The following NAALADL2 variants were observed in gnomAD, a reference collection of about 807,000 sequenced individuals.
The protein encoded by NAALADL2 is N-acetylated alpha-linked acidic dipeptidase like 2, also known as inactive N-acetylated-alpha-linked acidic dipeptidase-like protein 2.
Under a neutral mutation model 87.2 loss-of-function variants are expected in NAALADL2, and 76 were observed. That is an observed-to-expected ratio of 0.87 (90% CI 0.72 to 1.05). NAALADL2 has a LOEUF of 1.05. NAALADL2 is among the 50% of genes least tolerant of loss of function. The pLI is 0.00. For synonymous variants in NAALADL2, 354 were observed against 331.0 expected (o/e 1.07, Z -0.75); for missense variants, 1,089 against 945.8 (o/e 1.15, Z -1.99).
At chr3:175,043,615 A>G (rs1251722845) in intron 1 of NAALADL2, among the ~76,000 whole-genome samples, 1 of 152,084 alleles carries the variant, frequency 6.6e-6, no homozygotes, top group Non-Finnish European at 1.5e-5. Context: ...TGTTTTCTCA[A>G]CACCATTTAT....
At chr3:174,725,107 T>C (rs1732065026) in intron 2 of NAALADL2, among the ~76,000 whole-genome samples, 1 of 152,194 alleles carries the variant, frequency 6.6e-6, no homozygotes. Flanking sequence ...GGAACATGTA[T>C]TGGATTAACT....
Position 175,326,820 on chromosome 3 carries a change from A to T in NAALADL2, c.1090+2495A>T, listed in dbSNP as rs1199567176. ...ATAACAGCATTAATCCATGTGTGAG[A>T]ATACTTCATGATCCAATCGCCTCTT... On this transcript the variant is annotated intron_variant, in intron 5 of 13. Coordinates refer to ENST00000454872, the MANE Select transcript of NAALADL2 (RefSeq NM_207015.3). 2.6e-5 allele frequency among the ~76,000 whole-genome samples: 4 copies of T among 152,286 alleles called. No homozygotes were observed. In the East Asian group the frequency reaches 7.7e-4, roughly 29 times the overall value.
At chr3:175,490,872 A>G (rs546347542) in intron 9 of NAALADL2, among the ~76,000 whole-genome samples, 69 of 152,266 alleles carry the variant, frequency 4.5e-4, no homozygotes, top group African/African-American at 1.5e-3. Flanking sequence ...AGCTGGGTTA[A>G]TTATTACCTT....
chr3:174,465,002 C>T (rs1352191587), intron 1 of NAALADL2, among the ~76,000 whole-genome samples: 3 of 151,962 alleles, frequency 2.0e-5, no homozygotes, highest in Non-Finnish European at 4.4e-5. Flanking sequence ...GGCCTAAAAA[C>T]TTTGGTATCT....
At chr3:174,817,095 T>G (rs1255976404) in intron 3 of NAALADL2, among the ~76,000 whole-genome samples, 1 of 152,188 alleles carries the variant, frequency 6.6e-6, no homozygotes, top group Non-Finnish European at 1.5e-5. Flanking sequence ...TTGGTGGAAG[T>G]GTGTGAGTGT....
chr3:174,851,073 G>C (rs1047803110), intron 3 of NAALADL2, among the ~76,000 whole-genome samples: 1 of 151,940 alleles, frequency 6.6e-6, no homozygotes, highest in Non-Finnish European at 1.5e-5. Context: ...AATGAAAATG[G>C]ACACGCAACA....
intron 5 of NAALADL2, among the ~76,000 whole-genome samples, chr3:175,368,126 G>T (rs1765898684): frequency 6.6e-6 from 1 of 152,234 alleles, no homozygotes; most frequent in Admixed American, 6.5e-5. Flanking sequence ...TGTGGTTTTT[G>T]TCTTTGGTTC....
intron 2 of NAALADL2, among the ~76,000 whole-genome samples, chr3:175,116,519 C>T (rs900753257): frequency 6.6e-6 from 1 of 151,980 alleles, no homozygotes; most frequent in Non-Finnish European, 1.5e-5. Flanking sequence ...AGGAATCCAA[C>T]TTACAAGGGA....
intron 2 of NAALADL2, among the ~76,000 whole-genome samples, chr3:175,186,040 C>G (rs1356051599): frequency 6.6e-6 from 1 of 151,990 alleles, no homozygotes; most frequent in Non-Finnish European, 1.5e-5. Context: ...CTTTGTATTT[C>G]TTCCAACCTA....
chr3:175,280,569 C>T (rs1754159667), intron 4 of NAALADL2, among the ~76,000 whole-genome samples: 1 of 152,058 alleles, frequency 6.6e-6, no homozygotes, highest in African/African-American at 2.4e-5. Context: ...ATTGGAGATG[C>T]TGCTTGAAGT....
At chr3:175,651,154 A>G (rs779649247) in intron 11 of NAALADL2, among the ~76,000 whole-genome samples, 11 of 152,174 alleles carry the variant, frequency 7.2e-5, no homozygotes, top group Non-Finnish European at 1.2e-4. Context: ...GTATTTTACT[A>G]ATTCAAATTT....
intron 11 of NAALADL2, among the ~76,000 whole-genome samples, chr3:175,696,016 A>G (rs959242566): frequency 1.3e-5 from 2 of 152,142 alleles, no homozygotes; most frequent in Non-Finnish European, 2.9e-5. Context: ...CTTGATCTTG[A>G]TCTTTGTAAA....
chr3:174,594,750 T>C (rs1384285946), intron 2 of NAALADL2, among the ~76,000 whole-genome samples: 1 of 152,164 alleles, frequency 6.6e-6, no homozygotes, highest in Non-Finnish European at 1.5e-5. Flanking sequence ...GAGTGGGGCA[T>C]AGAAATATAT....
At chr3:175,328,627 C>T (rs755349699) in intron 5 of NAALADL2, among the ~76,000 whole-genome samples, 4 of 152,090 alleles carry the variant, frequency 2.6e-5, no homozygotes, top group Non-Finnish European at 5.9e-5. Flanking sequence ...GACTTTAGTG[C>T]TTATATAGCA....
chr3:174,902,591 G>T (rs1018576396), intron 1 of NAALADL2, among the ~76,000 whole-genome samples: 1 of 151,972 alleles, frequency 6.6e-6, no homozygotes, highest in East Asian at 1.9e-4. Context: ...ATTAATAGAG[G>T]TTAAATATCT....
At chr3:174,701,769 G>C (rs1472549833) in intron 2 of NAALADL2, among the ~76,000 whole-genome samples, 1 of 152,164 alleles carries the variant, frequency 6.6e-6, no homozygotes, top group Non-Finnish European at 1.5e-5. Context: ...GCAAGTTCAA[G>C]AGATTGTTCC....
chr3:175,341,578 G>A (rs1370272477), intron 5 of NAALADL2, among the ~76,000 whole-genome samples: 1 of 152,120 alleles, frequency 6.6e-6, no homozygotes, highest in African/African-American at 2.4e-5. Flanking sequence ...TTGAAGAACT[G>A]ACAAACTGTT....
intron 11 of NAALADL2, among the ~76,000 whole-genome samples, chr3:175,680,705 G>C (rs1037507921): frequency 5.3e-5 from 8 of 152,164 alleles, no homozygotes; most frequent in Non-Finnish European, 2.9e-5. Flanking sequence ...TCCAGTGACT[G>C]TCCAAACCTG....
chr3:175,245,088 T>C (rs1165222746), intron 3 of NAALADL2, among the ~76,000 whole-genome samples: 4 of 152,166 alleles, frequency 2.6e-5, no homozygotes. Flanking sequence ...TTCTCCTTTT[T>C]TTCTCCTACT....
Sources: gnomAD v4.1 joint callset for allele counts (sites outside exome capture counted in the v4.1 genomes callset) on GRCh38, gnomAD v4.1.1 for gene constraint, MANE v1.5 for transcripts, NCBI Gene and HGNC (gene_info 2026-07-23, HGNC 2026-07-21) for gene names.